The following CD163L1 variants were observed in gnomAD, a reference collection of about 807,000 sequenced individuals.
CD163L1 encodes the protein CD163 molecule like 1, also known as scavenger receptor cysteine-rich type 1 protein M160.
A neutral mutation model predicts 165.4 loss-of-function variants in CD163L1; 124 were observed. The ratio of observed to expected loss-of-function variants is 0.75; its 90% CI spans 0.65 to 0.87. The LOEUF (loss-of-function observed/expected upper bound fraction) is 0.87, where lower values mean the gene tolerates loss of function less well. Among genes scored for constraint, CD163L1 ranks in the 40% least tolerant of loss-of-function variants. CD163L1 has a pLI of 0.00. For missense variants in CD163L1, 1,525 were observed against 1,799.9 expected, an observed-to-expected ratio of 0.85 and a Z score of 2.76; for synonymous variants, 585 against 662.2, an observed-to-expected ratio of 0.88 and a Z score of 1.79.
chr12:7,369,513 C>T lies in CD163L1; in HGVS notation c.3883G>A (p.Ala1295Thr), dbSNP rs761198097. The change falls in exon 15 of 20, where the codon GCC becomes ACC. Residue 1295 changes from alanine (A) to threonine (T), a missense_variant. Ala to Thr is a moderately conservative substitution (Grantham distance 58). Coordinates refer to ENST00000313599, the MANE Select transcript of CD163L1 (RefSeq NM_174941.6). The surrounding 1 kb of genome is among the most constrained non-coding windows in gnomAD (Gnocchi z 4.9). Reference sequence around the variant, plus strand: ...TGGCCAAACGAAGCGTCCCTCAGGGCAGCCAGAGCAGAGCCACAGCCCAGC... The same window carrying T: ...TGGCCAAACGAAGCGTCCCTCAGGGTAGCCAGAGCAGAGCCACAGCCCAGC... Reference protein sequence around the residue: ...QQLGCGSALAALRDASFGQGT... With the variant: ...QQLGCGSALATLRDASFGQGT... 1 of 1,614,190 alleles carries T rather than the reference C, an allele frequency of 6.2e-7. No homozygotes were observed. The highest frequency in any genetic ancestry group is 8.5e-7 in the Non-Finnish European group (1 of 1,180,024).
At chr12:7,389,003 C>G (rs1947585245) in intron 8 of CD163L1, among the ~76,000 whole-genome samples, 1 of 152,344 alleles carries the variant, frequency 6.6e-6, no homozygotes, top group South Asian at 2.1e-4. Context: ...AACCATTCAT[C>G]TGTTGATGGA....
chr12:7,342,484 C>G (rs759229551), downstream of CD163L1, among the ~76,000 whole-genome samples: 2 of 152,172 alleles, frequency 1.3e-5, no homozygotes, highest in Admixed American at 6.6e-5. Flanking sequence ...AATCTCTGTT[C>G]GAGGCTCTCA....
chr12:7,407,676 C>T (rs1948054429), intron 4 of CD163L1, among the ~76,000 whole-genome samples: 1 of 151,314 alleles, frequency 6.6e-6, no homozygotes, highest in African/African-American at 2.4e-5. Flanking sequence ...TATATATACA[C>T]ACACATATAT....
chr12:7,416,437 T>C (rs973171407), intron 4 of CD163L1, among the ~76,000 whole-genome samples: 2 of 152,236 alleles, frequency 1.3e-5, no homozygotes, highest in Non-Finnish European at 2.9e-5. Context: ...ATCCCATTTG[T>C]CAATTTTGGC....
chr12:7,350,012 A>G (rs1946696901), downstream of CD163L1, among the ~76,000 whole-genome samples: 1 of 152,164 alleles, frequency 6.6e-6, no homozygotes, highest in Non-Finnish European at 1.5e-5. Context: ...CCCGGGAATA[A>G]ACTAAATATT....
At chr12:7,410,858 A>T (rs982879489) in intron 4 of CD163L1, among the ~76,000 whole-genome samples, 7 of 147,958 alleles carry the variant, frequency 4.7e-5, no homozygotes, top group Non-Finnish European at 9.0e-5. Context: ...TATAAATATA[A>T]ATATATATAT....
intron 18 of CD163L1, among the ~76,000 whole-genome samples, chr12:7,361,586 A>G (rs1946892895): frequency 6.6e-6 from 1 of 152,144 alleles, no homozygotes; most frequent in African/African-American, 2.4e-5. Context: ...AAGACAGCAA[A>G]CTAAAAAATA....
intron 4 of CD163L1, among the ~76,000 whole-genome samples, chr12:7,426,448 A>C (rs1467805958): frequency 6.6e-6 from 1 of 152,098 alleles, no homozygotes; most frequent in East Asian, 1.9e-4. Context: ...CCCAGAACTT[A>C]AAGTAAAAAT....
chr12:7,438,359 T>C (rs753576650), intron 2 of CD163L1, among the ~76,000 whole-genome samples: 3 of 152,308 alleles, frequency 2.0e-5, no homozygotes, highest in Admixed American at 1.3e-4. Context: ...AAATTCTCTA[T>C]TAAATACATT....
chr12:7,383,325 T>C (rs1384155796), intron 8 of CD163L1, among the ~76,000 whole-genome samples: 1 of 152,062 alleles, frequency 6.6e-6, no homozygotes, highest in East Asian at 1.9e-4. Flanking sequence ...GCCTGGAGAA[T>C]TGCCTGCCCA....
At chr12:7,395,497 G>A (rs1363044950) in intron 8 of CD163L1, among the ~76,000 whole-genome samples, 1 of 152,144 alleles carries the variant, frequency 6.6e-6, no homozygotes, top group Non-Finnish European at 1.5e-5. Context: ...TAATGTAAAT[G>A]ACAAGTTGAT....
At chr12:7,388,743 C>CAA (rs146990548) in intron 8 of CD163L1, among the ~76,000 whole-genome samples, 8,248 of 91,382 alleles carry the variant, frequency 0.09, 463 homozygotes, top group Admixed American at 0.26. Flanking sequence ...GATCCAGTTT[C>CAA]AAAAAAAAAA....
intron 4 of CD163L1, among the ~76,000 whole-genome samples, chr12:7,430,129 TTAAG>T (rs1253117638): frequency 6.6e-6 from 1 of 152,216 alleles, no homozygotes; most frequent in Non-Finnish European, 1.5e-5. Context: ...AAGACTTACA[TTAAG>T]TGAGTCATCC....
At chr12:7,378,739 C>A (rs1234115993) in intron 9 of CD163L1, among the ~76,000 whole-genome samples, 1 of 152,160 alleles carries the variant, frequency 6.6e-6, no homozygotes, top group African/African-American at 2.4e-5. Flanking sequence ...TAGGTAATAT[C>A]TTCTAATTAT....
the CD163L1 span, among the ~76,000 whole-genome samples, chr12:7,320,011 A>G: frequency 6.6e-6 from 1 of 152,234 alleles, no homozygotes; most frequent in Non-Finnish European, 1.5e-5. Context: ...CCGATCAAAC[A>G]TCATACTTTA....
At chr12:7,421,466 T>TATATACACATATATGTAC (rs1555202345) in intron 4 of CD163L1, among the ~76,000 whole-genome samples, 3 of 92,878 alleles carry the variant, frequency 3.2e-5, no homozygotes, top group African/African-American at 1.2e-4. Flanking sequence ...CATATATACA[T>TATATACACATATATGTAC]ATATATACAT....
downstream of CD163L1, among the ~76,000 whole-genome samples, chr12:7,341,864 CT>C (rs1946639757): frequency 6.6e-6 from 1 of 152,116 alleles, no homozygotes; most frequent in Non-Finnish European, 1.5e-5. Context: ...TTCTGAGACC[CT>C]TATTATCGAT....
intron 1 of CD163L1, among the ~76,000 whole-genome samples, chr12:7,442,390 G>A (rs947298930): frequency 6.6e-6 from 1 of 152,224 alleles, no homozygotes; most frequent in African/African-American, 2.4e-5. Flanking sequence ...ACCTGCTTTG[G>A]TGGACATCTT....
At chr12:7,356,027 C>A (rs1258104149) in intron 19 of CD163L1, among the ~76,000 whole-genome samples, 2 of 152,038 alleles carry the variant, frequency 1.3e-5, no homozygotes, top group Non-Finnish European at 2.9e-5. Flanking sequence ...TAATATAGAA[C>A]CCTAATTTCA....
Sources: allele counts gnomAD v4.1 joint callset (sites outside exome capture counted in the v4.1 genomes callset), GRCh38; gene constraint gnomAD v4.1.1; non-coding constraint Gnocchi (gnomAD v3.1); transcripts MANE v1.5; gene names NCBI Gene and HGNC (gene_info 2026-07-23, HGNC 2026-07-21).